Variants in PALM2AKAP2 observed in about 807,000 individuals in gnomAD.
PALM2AKAP2 encodes the protein PALM2-AKAP2 fusion protein.
A neutral mutation model predicts 71.5 loss-of-function variants in PALM2AKAP2; 37 were observed. The observed-to-expected ratio is 0.52, with a 90% CI of 0.40 to 0.68. PALM2AKAP2 has a LOEUF of 0.68. Ranked by LOEUF, PALM2AKAP2 falls within the 30% of genes least tolerant of loss-of-function variation. PALM2AKAP2 has a pLI of 0.00. For synonymous variants in PALM2AKAP2, 468 were observed against 478.8 expected, an observed-to-expected ratio of 0.98 and a Z score of 0.29; for missense variants, 1,224 against 1,191.8, an observed-to-expected ratio of 1.03 and a Z score of -0.40.
In PALM2AKAP2 at chr9:110,004,855, C is replaced by G. The variant is rs147713090; in HGVS notation, c.497-11099C>G. ...GGGCTTGTGCATTCATCACGTAGTTCTCGTGCCGTGGTTTTCAGCTCCATC... is the reference window on the plus strand; with the variant it reads ...GGGCTTGTGCATTCATCACGTAGTTGTCGTGCCGTGGTTTTCAGCTCCATC... On this transcript the variant is annotated intron_variant, in intron 6 of 9. Transcript: ENST00000302798. 3.1e-3 allele frequency among the ~76,000 whole-genome samples: 466 copies of G among 152,318 alleles called. 5 individuals carry two copies. The highest frequency in any genetic ancestry group is 6.0e-3 in the Admixed American group (92 of 15,296).
chr9:110,097,659 T>C (rs1445514643), intron 1 of PALM2AKAP2, among the ~76,000 whole-genome samples: 8 of 143,570 alleles, frequency 5.6e-5, no homozygotes, highest in Admixed American at 4.1e-4. Context: ...TGGGCAGAGA[T>C]GCTCCTCACT....
At chr9:110,025,850 T>A (rs569555270) in intron 7 of PALM2AKAP2, among the ~76,000 whole-genome samples, 12 of 152,326 alleles carry the variant, frequency 7.9e-5, no homozygotes, top group Non-Finnish European at 1.5e-4. Flanking sequence ...TTTAATGGCT[T>A]GATTTCCTTT....
At chr9:109,802,185 C>T (rs904448163) in intron 1 of PALM2AKAP2, among the ~76,000 whole-genome samples, 1 of 152,178 alleles carries the variant, frequency 6.6e-6, no homozygotes, top group Admixed American at 6.5e-5. Flanking sequence ...CTCTTCTGGG[C>T]ATCTGAAATG....
intron 1 of PALM2AKAP2, among the ~76,000 whole-genome samples, chr9:109,729,231 A>C (rs1209450014): frequency 6.6e-6 from 1 of 152,180 alleles, no homozygotes; most frequent in African/African-American, 2.4e-5. Context: ...GTACATTGCC[A>C]CCGACTCCCA....
intron 6 of PALM2AKAP2, among the ~76,000 whole-genome samples, chr9:109,971,434 C>T (rs1200457390): frequency 1.3e-5 from 2 of 151,894 alleles, no homozygotes; most frequent in Non-Finnish European, 2.9e-5. Context: ...CTTGAATTGC[C>T]TCTCAGGTCT....
intron 1 of PALM2AKAP2, among the ~76,000 whole-genome samples, chr9:109,845,731 T>C (rs1481105833): frequency 2.0e-5 from 3 of 152,206 alleles, no homozygotes; most frequent in Admixed American, 2.0e-4. Flanking sequence ...TTTATTTATT[T>C]ACTGTGACAG....
intron 1 of PALM2AKAP2, among the ~76,000 whole-genome samples, chr9:109,665,434 C>T (rs1348876116): frequency 6.6e-6 from 1 of 152,202 alleles, no homozygotes; most frequent in African/African-American, 2.4e-5. Flanking sequence ...TTCCTTCTAA[C>T]AGTCAGGTCC....
intron 1 of PALM2AKAP2, among the ~76,000 whole-genome samples, chr9:109,763,947 T>C (rs1829102138): frequency 6.6e-6 from 1 of 152,150 alleles, no homozygotes; most frequent in Non-Finnish European, 1.5e-5. Context: ...GGATGATTTA[T>C]CTCAATATCC....
At chr9:109,869,008 C>T (rs984252149) in intron 2 of PALM2AKAP2, among the ~76,000 whole-genome samples, 3 of 152,178 alleles carry the variant, frequency 2.0e-5, no homozygotes, top group Non-Finnish European at 4.4e-5. Flanking sequence ...CCATTCAGTA[C>T]GGTGCTTGTA....
chr9:109,923,996 AC>A, intron 4 of PALM2AKAP2, 147 bp downstream of exon 4: 2 of 823,132 alleles, frequency 2.4e-6, no homozygotes, highest in Non-Finnish European at 3.6e-6. Context: ...ATGTGTGAGG[AC>A]CAGGGGCCAT....
At chr9:109,671,871 A>G (rs1388374828) in intron 1 of PALM2AKAP2, among the ~76,000 whole-genome samples, 1 of 152,094 alleles carries the variant, frequency 6.6e-6, no homozygotes, top group Admixed American at 6.5e-5. Flanking sequence ...TGTGAATGGG[A>G]GTGCATTTCT....
chr9:110,135,172 A>T (rs10759390), intron 1 of PALM2AKAP2, among the ~76,000 whole-genome samples: 24,584 of 59,122 alleles, frequency 0.42, 6,772 homozygotes, highest in East Asian at 0.6. Context: ...AAAATATATA[A>T]ATATATATAT....
intron 6 of PALM2AKAP2, among the ~76,000 whole-genome samples, chr9:109,967,732 G>C (rs1426911167): frequency 6.6e-6 from 1 of 152,214 alleles, no homozygotes; most frequent in East Asian, 1.9e-4. Flanking sequence ...CTTGAAGGGA[G>C]AAGTGTCAAA....
intron 1 of PALM2AKAP2, among the ~76,000 whole-genome samples, chr9:109,774,325 CA>C (rs946217752): frequency 5.3e-5 from 8 of 152,192 alleles, no homozygotes; most frequent in Non-Finnish European, 1.0e-4. Context: ...GTAGCTAATT[CA>C]TAGCCAAACC....
At chr9:110,060,796 T>G (rs140004922) in intron 1 of PALM2AKAP2, among the ~76,000 whole-genome samples, 60 of 152,182 alleles carry the variant, frequency 3.9e-4, no homozygotes, top group African/African-American at 1.4e-3. Flanking sequence ...GAGACGGGAT[T>G]TCGCCATGTT....
intron 1 of PALM2AKAP2, among the ~76,000 whole-genome samples, chr9:110,075,808 TTTCTC>T (rs1834308591): frequency 6.6e-6 from 1 of 152,080 alleles, no homozygotes; most frequent in Admixed American, 6.5e-5. Context: ...GAATTTTTGT[TTTCTC>T]TTCACTAATT....
chr9:110,029,433 A>G (rs1157229847), intron 7 of PALM2AKAP2, among the ~76,000 whole-genome samples: 2 of 152,210 alleles, frequency 1.3e-5, no homozygotes, highest in African/African-American at 4.8e-5. Flanking sequence ...AATACATGAC[A>G]TGGGCATGGA....
intron 3 of PALM2AKAP2, among the ~76,000 whole-genome samples, chr9:109,897,763 A>G (rs1830237093): frequency 6.6e-6 from 1 of 152,222 alleles, no homozygotes; most frequent in Non-Finnish European, 1.5e-5. Context: ...TTCATTCAAT[A>G]TGAAAAGCAA....
At chr9:110,018,939 C>T (rs547751488) in intron 7 of PALM2AKAP2, among the ~76,000 whole-genome samples, 6 of 152,096 alleles carry the variant, frequency 3.9e-5, no homozygotes, top group African/African-American at 9.6e-5. Context: ...AAATTAAAAC[C>T]GCGATGAGAT....
Sources: allele counts gnomAD v4.1 joint callset (sites outside exome capture counted in the v4.1 genomes callset), GRCh38; gene constraint gnomAD v4.1.1; transcripts MANE v1.5; gene names NCBI Gene and HGNC (gene_info 2026-07-23, HGNC 2026-07-21).